Variants in DOK6 observed in about 807,000 individuals in gnomAD.
The protein encoded by DOK6 is downstream of tyrosine kinase 6.
DOK6 carries 22 observed loss-of-function variants against 44.0 expected under a neutral mutation model. That is an observed-to-expected ratio of 0.50 (90% CI 0.36 to 0.71). The LOEUF is 0.71. DOK6 is among the 30% of genes least tolerant of loss of function. DOK6 has a pLI of 0.00. For synonymous variants in DOK6, 166 were observed against 145.5 expected, an observed-to-expected ratio of 1.14 and a Z score of -1.01; for missense variants, 340 against 416.4, an observed-to-expected ratio of 0.82 and a Z score of 1.60.
chr18:69,568,616 T>C (rs922028201), intron 2 of DOK6, among the ~76,000 whole-genome samples: 2 of 152,206 alleles, frequency 1.3e-5, no homozygotes, highest in Admixed American at 1.3e-4. Context: ...GAACCAGTGC[T>C]GGGCTGTGGC....
intron 1 of DOK6, chr18:69,483,747 C>T (rs1024060655): frequency 6.6e-6 from 1 of 152,088 alleles, no homozygotes; most frequent in Non-Finnish European, 1.5e-5. Flanking sequence ...TTAATTACAA[C>T]AGTGCCTTAG....
chr18:69,726,386 C>T (rs1008431032), intron 5 of DOK6, among the ~76,000 whole-genome samples: 8 of 152,128 alleles, frequency 5.3e-5, no homozygotes, highest in Non-Finnish European at 1.0e-4. Flanking sequence ...ACTCTCTCAA[C>T]TCATACCGTT....
chr18:69,458,686 G>C (rs528267603), intron 1 of DOK6, among the ~76,000 whole-genome samples: 1 of 151,972 alleles, frequency 6.6e-6, no homozygotes, highest in Admixed American at 6.6e-5. Context: ...TTTTAGCAAG[G>C]TTTCAGGATA....
At chr18:69,624,188 C>T (rs749765861) in intron 3 of DOK6, among the ~76,000 whole-genome samples, 3 of 152,114 alleles carry the variant, frequency 2.0e-5, no homozygotes, top group Non-Finnish European at 4.4e-5. Context: ...CTTTCCAAAA[C>T]CCATCCATAA....
chr18:69,629,937 C>A (rs960113881), intron 3 of DOK6, among the ~76,000 whole-genome samples: 1 of 151,800 alleles, frequency 6.6e-6, no homozygotes, highest in African/African-American at 2.4e-5. Context: ...ATTACAGGTG[C>A]TAATTTGTAG....
intron 3 of DOK6, among the ~76,000 whole-genome samples, chr18:69,608,543 C>A (rs771682070): frequency 6.6e-5 from 10 of 151,978 alleles, no homozygotes; most frequent in Non-Finnish European, 1.2e-4. Flanking sequence ...TAAAAAAAGT[C>A]ATTGAAATTT....
rs185403745 is a variant in DOK6, at chr18:69,443,516, T to C, written c.66+42206T>C. ...TTACATGGGAAAACCTGAACCCATA[T>C]CTTTTTCTTGTAGCCTATAAGAGAG... On this transcript the variant is annotated intron_variant, in intron 1 of 7. Coordinates refer to ENST00000382713, the MANE Select transcript of DOK6 (RefSeq NM_152721.6). Among the ~76,000 whole-genome samples, 344 of 152,286 alleles carry C rather than the reference T, an allele frequency of 2.3e-3. 8 individuals are homozygous for C. The highest frequency in any genetic ancestry group is 1.6e-4 in the Non-Finnish European group (11 of 68,024).
chr18:69,725,187 C>T (rs1978299838), intron 5 of DOK6, among the ~76,000 whole-genome samples: 1 of 152,180 alleles, frequency 6.6e-6, no homozygotes, highest in Non-Finnish European at 1.5e-5. Context: ...GGATAAACTA[C>T]TCCAAACAAG....
At chr18:69,768,159 A>T (rs1428724702) in intron 7 of DOK6, among the ~76,000 whole-genome samples, 1 of 152,194 alleles carries the variant, frequency 6.6e-6, no homozygotes, top group East Asian at 1.9e-4. Flanking sequence ...AATAAATTAT[A>T]CATATATATT....
At chr18:69,405,317 A>G (rs569725260) in intron 1 of DOK6, among the ~76,000 whole-genome samples, 31 of 152,290 alleles carry the variant, frequency 2.0e-4, no homozygotes, top group African/African-American at 6.5e-4. Flanking sequence ...TAGAAGCTCA[A>G]TGATTAAAAT....
chr18:69,655,780 AAAAC>A (rs1264312602), intron 3 of DOK6, among the ~76,000 whole-genome samples: 18,477 of 105,216 alleles, frequency 0.18, 2,658 homozygotes, highest in Non-Finnish European at 0.24. Context: ...AAAAAAAAAA[AAAAC>A]AAAAGAACAA....
At chr18:69,750,927 T>A (rs1568115182) in intron 6 of DOK6, among the ~76,000 whole-genome samples, 1 of 152,046 alleles carries the variant, frequency 6.6e-6, no homozygotes, top group Non-Finnish European at 1.5e-5. Context: ...CAACATAGCC[T>A]TAAAAAAAAA....
At chr18:69,665,834 A>G (rs1239515278) in intron 3 of DOK6, among the ~76,000 whole-genome samples, 1 of 151,806 alleles carries the variant, frequency 6.6e-6, no homozygotes, top group East Asian at 1.9e-4. Flanking sequence ...CTTCTCTTCA[A>G]TCCTAAGCCT....
At chr18:69,690,305 A>C (rs1018585958) in intron 4 of DOK6, among the ~76,000 whole-genome samples, 1 of 152,200 alleles carries the variant, frequency 6.6e-6, no homozygotes, top group Non-Finnish European at 1.5e-5. Flanking sequence ...ATTTACACAT[A>C]ATAATAAAAT....
At chr18:69,498,244 TTTTA>T in intron 1 of DOK6, among the ~76,000 whole-genome samples, 1 of 152,278 alleles carries the variant, frequency 6.6e-6, no homozygotes, top group East Asian at 1.9e-4. Context: ...AAATTTTAAT[TTTTA>T]TTAATGAAAA....
At chr18:69,564,462 A>G in intron 1 of DOK6, 25 bp from the exon 2 acceptor site, 2 of 1,602,684 alleles carry the variant, frequency 1.2e-6, no homozygotes, top group Non-Finnish European at 8.5e-7. Flanking sequence ...AATATGGATA[A>G]TGGGATTCCT....
intron 1 of DOK6, among the ~76,000 whole-genome samples, chr18:69,519,553 G>A (rs370417178): frequency 6.6e-6 from 1 of 151,914 alleles, no homozygotes; most frequent in African/African-American, 2.4e-5. Context: ...TGGCTAAAAT[G>A]TTAGGTGTAT....
At chr18:69,503,691 C>T (rs1049890621) in intron 1 of DOK6, among the ~76,000 whole-genome samples, 1 of 151,936 alleles carries the variant, frequency 6.6e-6, no homozygotes. Flanking sequence ...AATATATCCT[C>T]ATCCTGATAT....
rs1015826564 is a variant in DOK6 at position 69,657,288 on chromosome 18, C to T, written c.290-20446C>T. Reference sequence around the variant, plus strand: ...TTAAACCTCCCTTTCCATTAACTTGCGTCTGTCAGTGGAACCTGCAACAGT... The same window carrying T: ...TTAAACCTCCCTTTCCATTAACTTGTGTCTGTCAGTGGAACCTGCAACAGT... On this transcript the variant is annotated intron_variant, in intron 3 of 7. Transcript: ENST00000382713. Among the ~76,000 whole-genome samples, 6 of 152,178 alleles carry T rather than the reference C, an allele frequency of 3.9e-5. 1 individual carries two copies. Among genetic ancestry groups the T allele is most frequent in the Non-Finnish European group, 7.4e-5 (5 of 68,024 alleles).
Sources: gnomAD v4.1 joint callset for allele counts (sites outside exome capture counted in the v4.1 genomes callset) on GRCh38, gnomAD v4.1.1 for gene constraint, MANE v1.5 for transcripts, NCBI Gene and HGNC (gene_info 2026-07-23, HGNC 2026-07-21) for gene names.